The following NQO2 variants were observed in gnomAD, a reference collection of about 807,000 sequenced individuals.
NQO2 encodes the protein N-ribosyldihydronicotinamide:quinone dehydrogenase 2, also known as ribosyldihydronicotinamide dehydrogenase [quinone].
NQO2 carries 18 observed loss-of-function variants against 22.0 expected under a neutral mutation model. That is an observed-to-expected ratio of 0.82 (90% CI 0.56 to 1.21). NQO2 has a LOEUF of 1.21. NQO2 is among the 50% of genes most tolerant of loss of function. The pLI, the probability that NQO2 is intolerant of heterozygous loss-of-function variation, is 0.00. For synonymous variants in NQO2, 106 were observed against 110.8 expected (o/e 0.96, Z 0.28); for missense variants, 267 against 286.9 (o/e 0.93, Z 0.50).
intron 3 of NQO2, among the ~76,000 whole-genome samples, chr6:3,011,441 C>T (rs1370254721): frequency 1.3e-5 from 2 of 152,020 alleles, no homozygotes; most frequent in East Asian, 3.9e-4. Flanking sequence ...AGATTTCTTA[C>T]AAAATATAGA....
At chr6:3,002,767 G>T (rs1756781485) in intron 1 of NQO2, among the ~76,000 whole-genome samples, 2 of 151,446 alleles carry the variant, frequency 1.3e-5, no homozygotes, top group Admixed American at 1.3e-4. Flanking sequence ...TTGAACCACA[G>T]TTCAGCCAAA....
chr6:3,017,536 C>T (rs949190260), intron 6 of NQO2, among the ~76,000 whole-genome samples: 1 of 152,236 alleles, frequency 6.6e-6, no homozygotes, highest in African/African-American at 2.4e-5. Flanking sequence ...GCAGGCCCCT[C>T]CCAGGCCTGC....
intron 4 of NQO2, among the ~76,000 whole-genome samples, chr6:3,013,082 A>C (rs1757201725): frequency 6.7e-6 from 1 of 148,914 alleles, no homozygotes; most frequent in South Asian, 2.1e-4. Context: ...CAGCCTCCCG[A>C]GTAGCTGGGA....
chr6:3,006,488 G>A lies in NQO2; in HGVS notation c.-65G>A. On this transcript the variant is annotated 5_prime_UTR_variant, in exon 2 of 7. Transcript: ENST00000380455. The surrounding 1 kb of genome is among the most constrained non-coding windows in gnomAD (Gnocchi z 4.0). ...TCCAGATTGCTGGACTCGCTGAAGA[G>A]AGACTACGCAGGAAAGCCCCAGCCA... 6.2e-7 allele frequency: 1 copy of A among 1,612,106 alleles called. No individual in the cohort carries two copies. The highest frequency in any genetic ancestry group is 8.5e-7 in the Non-Finnish European group (1 of 1,179,096).
intron 6 of NQO2, among the ~76,000 whole-genome samples, chr6:3,018,204 T>G (rs888442986): frequency 2.6e-5 from 4 of 152,188 alleles, no homozygotes; most frequent in Non-Finnish European, 4.4e-5. Context: ...TGGTTTCCAG[T>G]AATAAAGTCA....
In NQO2 at chr6:3,006,436, C is replaced by T. The variant is rs540480114; in HGVS notation, c.-85-32C>T. The T allele has an allele frequency of 6.4e-7, 1 of 1,569,808 alleles. No individual in the cohort carries two copies. The highest frequency in any genetic ancestry group is 1.2e-5 in the South Asian group (1 of 84,304). ...ACATTCGACCTCACCTATGCCTCTCCCCACCCCCTCTGGGTTCGTTTTGTC... is the reference window on the plus strand; with the variant it reads ...ACATTCGACCTCACCTATGCCTCTCTCCACCCCCTCTGGGTTCGTTTTGTC... On this transcript the variant is annotated intron_variant, in intron 1 of 6. Transcript: ENST00000380455. The surrounding 1 kb of genome is among the most constrained non-coding windows in gnomAD (Gnocchi z 4.0).
chr6:3,017,694 C>T (rs890570031), intron 6 of NQO2, among the ~76,000 whole-genome samples: 9 of 152,056 alleles, frequency 5.9e-5, no homozygotes, highest in Non-Finnish European at 1.0e-4. Context: ...TGAGGGGTGG[C>T]AGAGGGAGGG....
intron 6 of NQO2, among the ~76,000 whole-genome samples, chr6:3,017,328 G>A (rs563273402): frequency 4.7e-4 from 72 of 152,326 alleles, no homozygotes; most frequent in African/African-American, 1.7e-3. Context: ...GTGGCCCTGC[G>A]TGTGTTGTGA....
At position 3,019,754 on chromosome 6, in the gene NQO2, T is replaced by C; in HGVS notation, c.*99T>C. The stretch of plus-strand genomic sequence containing the variant: ...TCATGAAATAAAATTACAACATAGC[T>C]ACCTGGGGATACTTTTTTCTTTCTG... On this transcript the variant is annotated 3_prime_UTR_variant, in exon 7 of 7. Coordinates refer to ENST00000380455, the MANE Select transcript of NQO2 (RefSeq NM_000904.6). 9.7e-7 allele frequency: 1 copy of C among 1,026,940 alleles called. No individual in the cohort carries two copies. Among genetic ancestry groups the C allele is most frequent in the South Asian group, 1.8e-5 (1 of 55,618 alleles). 63.6% of individuals were successfully genotyped at this position (1,026,940 alleles called of 1,614,324 possible).
At chr6:3,015,104 A>G in intron 4 of NQO2, 5 of 1,293,172 alleles carry the variant, frequency 3.9e-6, no homozygotes, top group Non-Finnish European at 4.0e-6. Context: ...TGGTGTCTAA[A>G]TCCATAGATG....
At chr6:3,008,729 C>T (rs142185216) in intron 2 of NQO2, among the ~76,000 whole-genome samples, 5,684 of 152,194 alleles carry the variant, frequency 0.037, 121 homozygotes, top group African/African-American at 0.055. Context: ...GAGAAATAAA[C>T]GGACAGAGTA....
At position 3,019,704 on chromosome 6, in the gene NQO2, C is replaced by T. The variant is rs768901014; in HGVS notation, c.*49C>T. ...TAAGCAGCACACTAGGAGGCCCAGG[C>T]GCAGGCAAAGAGAAGATGGTGCTGT... On this transcript the variant is annotated 3_prime_UTR_variant, in exon 7 of 7. Transcript: ENST00000380455. 10 of 1,455,798 alleles carry T rather than the reference C, an allele frequency of 6.9e-6. No individual in the cohort carries two copies. Among genetic ancestry groups the T allele is most frequent in the South Asian group, 6.7e-5 (5 of 74,460 alleles). The allele number at this position is 1,455,798 out of a possible 1,614,324, so 90.2% of individuals were successfully genotyped here.
At chr6:3,005,275 T>C (rs1756909835) in intron 1 of NQO2, among the ~76,000 whole-genome samples, 1 of 152,224 alleles carries the variant, frequency 6.6e-6, no homozygotes, top group South Asian at 2.1e-4. Flanking sequence ...ATGGAATTGC[T>C]GAGTCATATG....
At position 3,016,405 on chromosome 6, in the gene NQO2, T is replaced by TGGG. The variant is rs1201611901; in HGVS notation, c.418-478_418-476dup. On this transcript the variant is annotated intron_variant, in intron 5 of 6. Transcript: ENST00000380455. The stretch of plus-strand genomic sequence containing the variant: ...AAAATCGCACCATTGCATTCCAGCC[T>TGGG]GGGTGACAAAGCGAGACTCTGTCTC... 5.5e-5 allele frequency among the ~76,000 whole-genome samples: 7 copies of TGGG among 128,080 alleles called. No homozygotes were observed. In the East Asian group the frequency reaches 1.6e-3, roughly 28 times the overall value. 84.0% of individuals were successfully genotyped at this position (128,080 alleles called of 152,430 possible).
In NQO2 at chr6:3,016,921, C is replaced by T. The variant is rs746607245; in HGVS notation, c.455C>T (p.Thr152Met). 2.9e-5 allele frequency: 47 copies of T among 1,613,844 alleles called. No homozygotes were observed. The highest frequency in any genetic ancestry group is 1.1e-4 in the East Asian group (5 of 44,880). Reference sequence around the variant, plus strand: ...CTCCTTTCCGTAACCACGGGAGGCACGGCCGAGATGTACACGAAGACAGGA... The same window carrying T: ...CTCCTTTCCGTAACCACGGGAGGCATGGCCGAGATGTACACGAAGACAGGA... ...LALLSVTTGG[T>M]AEMYTKTGVN... The change falls in exon 6 of 7, where the codon ACG becomes ATG. Residue 152 changes from threonine (T) to methionine (M), a missense_variant. Coordinates refer to ENST00000380455, the MANE Select transcript of NQO2 (RefSeq NM_000904.6).
chr6:3,005,933 C>G, intron 1 of NQO2: 1 of 406,084 alleles, frequency 2.5e-6, no homozygotes, highest in Non-Finnish European at 3.3e-6. Flanking sequence ...CGGGGGTCTC[C>G]TCTGCTCCTC....
intron 3 of NQO2, 123 bp from the exon 4 acceptor site, chr6:3,012,421 C>G (rs1757163798): frequency 2.0e-6 from 3 of 1,489,444 alleles, no homozygotes; most frequent in Non-Finnish European, 2.7e-6. Context: ...AGCTTCTGGT[C>G]AGGTTGCAGC....
chr6:3,004,469 T>C lies in NQO2; in HGVS notation c.-85-1999T>C, dbSNP rs56371947. 4,978 of 986,056 alleles carry C rather than the reference T, an allele frequency of 5.0e-3. 17 individuals carry two copies. The highest frequency in any genetic ancestry group is 5.3e-3 in the Non-Finnish European group (4,440 of 830,450). The allele number at this position is 986,056 out of a possible 1,614,324, so 61.1% of individuals were successfully genotyped here. A position where few individuals can be genotyped will look rare whatever the true frequency, so the allele number is the denominator to read the frequency against. On this transcript the variant is annotated intron_variant, in intron 1 of 6. Coordinates refer to ENST00000380455, the MANE Select transcript of NQO2 (RefSeq NM_000904.6). Reference sequence around the variant, plus strand: ...CAACTCAGCTTCAGCCACAATGATGTAGCCTCTTTTCCTTTCCATCCACAG... The same window carrying C: ...CAACTCAGCTTCAGCCACAATGATGCAGCCTCTTTTCCTTTCCATCCACAG...
At chr6:3,007,348 A>G (rs1193005563) in intron 2 of NQO2, among the ~76,000 whole-genome samples, 3 of 152,202 alleles carry the variant, frequency 2.0e-5, no homozygotes, top group East Asian at 1.9e-4. Context: ...ATTTGCATCT[A>G]TTCTCCTGTT....
Sources: gnomAD v4.1 joint callset for allele counts (sites outside exome capture counted in the v4.1 genomes callset) on GRCh38, gnomAD v4.1.1 for gene constraint, Gnocchi (gnomAD v3.1) non-coding constraint, MANE v1.5 for transcripts, NCBI Gene and HGNC (gene_info 2026-07-23, HGNC 2026-07-21) for gene names.